The following PLEKHH2 variants were observed in gnomAD, a reference collection of about 807,000 sequenced individuals.
PLEKHH2 encodes the protein pleckstrin homology, MyTH4 and FERM domain containing H2, also known as pleckstrin homology domain-containing family H member 2.
A neutral mutation model predicts 187.9 loss-of-function variants in PLEKHH2; 129 were observed. The ratio of observed to expected loss-of-function variants is 0.69; its 90% CI spans 0.59 to 0.79. The LOEUF (loss-of-function observed/expected upper bound fraction) is 0.79, where lower values mean the gene tolerates loss of function less well. PLEKHH2 is among the 30% of genes least tolerant of loss of function. The pLI is 0.00. For missense variants in PLEKHH2, 2,076 were observed against 1,751.2 expected (o/e 1.19, Z -3.31); for synonymous variants, 686 against 605.6 (o/e 1.13, Z -1.95).
At chr2:43,738,720 T>G (rs533020358) in intron 20 of PLEKHH2, among the ~76,000 whole-genome samples, 200 bp downstream of exon 20, 3 of 152,354 alleles carry the variant, frequency 2.0e-5, no homozygotes, top group African/African-American at 7.2e-5. Context: ...GTGTGTACAC[T>G]CACAGTTTTT....
At position 43,767,884 on chromosome 2, in the gene PLEKHH2, T is replaced by G. The variant is rs1672675971; in HGVS notation, c.*2286T>G. 3 of 152,788 alleles carry G rather than the reference T, an allele frequency of 2.0e-5. No individual in the cohort carries two copies. In the South Asian group the frequency reaches 6.2e-4, roughly 32 times the overall value. 9.5% of individuals were successfully genotyped at this position (152,788 alleles called of 1,614,324 possible). A position where few individuals can be genotyped will look rare whatever the true frequency, so the allele number is the denominator to read the frequency against. The stretch of plus-strand genomic sequence containing the variant: ...AGCCATTCAAAAATTCAAAGTATGT[T>G]ATTATGATTGGTTACAAGAGAATAA... On this transcript the variant is annotated 3_prime_UTR_variant, in exon 30 of 30. Transcript: ENST00000282406.
intron 19 of PLEKHH2, among the ~76,000 whole-genome samples, chr2:43,735,101 A>T (rs1671225107): frequency 6.6e-6 from 1 of 152,166 alleles, no homozygotes; most frequent in Non-Finnish European, 1.5e-5. Flanking sequence ...GAGGCACAAG[A>T]ATCGCTTGAA....
At chr2:43,684,658 G>A (rs1558484636) in intron 3 of PLEKHH2, among the ~76,000 whole-genome samples, 1 of 151,928 alleles carries the variant, frequency 6.6e-6, no homozygotes. Flanking sequence ...TTGCCATCAG[G>A]GCCAACCACT....
intron 28 of PLEKHH2, among the ~76,000 whole-genome samples, chr2:43,763,586 A>AT (rs541418802): frequency 0.029 from 3,733 of 130,332 alleles, 163 homozygotes; most frequent in African/African-American, 0.088. Flanking sequence ...TGCCCGGCTA[A>AT]TTTTTTTTTT....
At chr2:43,711,893 CAAAAA>C in intron 14 of PLEKHH2, 16 of 838,676 alleles carry the variant, frequency 1.9e-5, no homozygotes, top group East Asian at 1.6e-4. Flanking sequence ...GACTCTGTCT[CAAAAA>C]AAAAAAAAAA....
intron 24 of PLEKHH2, among the ~76,000 whole-genome samples, chr2:43,748,612 G>A (rs1432956933): frequency 1.3e-5 from 2 of 152,252 alleles, no homozygotes; most frequent in Non-Finnish European, 2.9e-5. Flanking sequence ...CAGCTCTCCA[G>A]ATAATTCTTA....
chr2:43,733,100 C>T (rs907267717), intron 19 of PLEKHH2, among the ~76,000 whole-genome samples: 5 of 152,176 alleles, frequency 3.3e-5, no homozygotes, highest in Admixed American at 1.3e-4. Context: ...CAGTGGCTCA[C>T]GCCTGTAATC....
In PLEKHH2 at chr2:43,767,474, A is replaced by G. The variant is rs1304029622; in HGVS notation, c.*1876A>G. 2 of 152,374 alleles carry G rather than the reference A, an allele frequency of 1.3e-5. No individual in the cohort carries two copies. Among genetic ancestry groups the G allele is most frequent in the Non-Finnish European group, 2.9e-5 (2 of 68,036 alleles). The allele number at this position is 152,374 out of a possible 1,614,324, so 9.4% of individuals were successfully genotyped here. A position where few individuals can be genotyped will look rare whatever the true frequency, so the allele number is the denominator to read the frequency against. The stretch of plus-strand genomic sequence containing the variant: ...GTTTCCCCTACATCTTTTGAGCCAC[A>G]GTCGCCCATCGAATAAGCAAATTTG... On this transcript the variant is annotated 3_prime_UTR_variant, in exon 30 of 30. Coordinates refer to ENST00000282406, the MANE Select transcript of PLEKHH2 (RefSeq NM_172069.4).
chr2:43,658,398 T>G (rs796844078), intron 2 of PLEKHH2, among the ~76,000 whole-genome samples: 30 of 152,368 alleles, frequency 2.0e-4, no homozygotes, highest in African/African-American at 7.2e-4. Context: ...ATTGCTGTAT[T>G]AACAAATGAC....
intron 2 of PLEKHH2, among the ~76,000 whole-genome samples, chr2:43,671,899 G>C (rs1164787309): frequency 6.6e-6 from 1 of 152,102 alleles, no homozygotes; most frequent in Non-Finnish European, 1.5e-5. Context: ...AAGGATATTC[G>C]TCTTTTTCTG....
At chr2:43,640,268 T>C (rs1248524437) in intron 1 of PLEKHH2, among the ~76,000 whole-genome samples, 1 of 151,372 alleles carries the variant, frequency 6.6e-6, no homozygotes, top group East Asian at 2.0e-4. Flanking sequence ...GAGTGCAGTG[T>C]ATGATCATAG....
At chr2:43,752,594 G>A (rs1242218305) in intron 24 of PLEKHH2, among the ~76,000 whole-genome samples, 1 of 152,130 alleles carries the variant, frequency 6.6e-6, no homozygotes, top group East Asian at 1.9e-4. Flanking sequence ...TAGCCAAACT[G>A]AGCACACACC....
intron 19 of PLEKHH2, among the ~76,000 whole-genome samples, chr2:43,733,385 C>T (rs545147276): frequency 4.4e-4 from 66 of 150,040 alleles, no homozygotes; most frequent in Admixed American, 2.5e-3. Context: ...AAAAAAAAAT[C>T]CCTCCACTTA....
chr2:43,750,468 G>A (rs1042738827), intron 24 of PLEKHH2, among the ~76,000 whole-genome samples: 7 of 148,364 alleles, frequency 4.7e-5, no homozygotes, highest in African/African-American at 7.7e-5. Flanking sequence ...GTGACAGAGC[G>A]AGACTCTGTC....
rs541710101 is a variant in PLEKHH2, at chr2:43,640,634, C to T, written c.-4+3255C>T. 3.9e-5 allele frequency among the ~76,000 whole-genome samples: 6 copies of T among 152,280 alleles called. No homozygotes were observed. In the South Asian group the frequency reaches 1.2e-3, roughly 32 times the overall value. ...TTAGATGTCTTTTTCATTAGAACAT[C>T]CTATTTGATGTGAAGTGGAATGTTG... On this transcript the variant is annotated intron_variant, in intron 1 of 29. Coordinates refer to ENST00000282406, the MANE Select transcript of PLEKHH2 (RefSeq NM_172069.4).
At chr2:43,692,236 C>T in intron 3 of PLEKHH2, 1 of 225,110 alleles carries the variant, frequency 4.4e-6, no homozygotes. Context: ...CATATAAACA[C>T]TTTGCATATT....
intron 25 of PLEKHH2, among the ~76,000 whole-genome samples, chr2:43,756,207 T>G (rs1318624948): frequency 6.6e-6 from 1 of 151,992 alleles, no homozygotes; most frequent in Non-Finnish European, 1.5e-5. Context: ...GGAGAAAATC[T>G]AGGAACAAAG....
intron 27 of PLEKHH2, among the ~76,000 whole-genome samples, chr2:43,761,356 A>G (rs1040160109): frequency 6.7e-6 from 1 of 149,254 alleles, no homozygotes; most frequent in Non-Finnish European, 1.5e-5. Context: ...GATTCTTTTT[A>G]TTAATATAAT....
intron 2 of PLEKHH2, among the ~76,000 whole-genome samples, chr2:43,651,754 C>G (rs1425169064): frequency 2.0e-5 from 3 of 152,182 alleles, no homozygotes; most frequent in Non-Finnish European, 2.9e-5. Context: ...ATTTCCTAAT[C>G]TCTGTAATGG....
Sources: allele counts gnomAD v4.1 joint callset (sites outside exome capture counted in the v4.1 genomes callset), GRCh38; gene constraint gnomAD v4.1.1; transcripts MANE v1.5; gene names NCBI Gene and HGNC (gene_info 2026-07-23, HGNC 2026-07-21).